DCAF1: variants seen among roughly 807,000 people sequenced by gnomAD.
The protein encoded by DCAF1 is DDB1 and CUL4 associated factor 1, also known as DDB1- and CUL4-associated factor 1.
Under a neutral mutation model 128.0 loss-of-function variants are expected in DCAF1, and 15 were observed. That is an observed-to-expected ratio of 0.12 (90% CI 0.08 to 0.18). DCAF1 has a LOEUF of 0.18. Ranked by LOEUF, DCAF1 falls within the 10% of genes least tolerant of loss-of-function variation. The pLI is 1.00. For missense variants in DCAF1, 988 were observed against 1,649.5 expected (o/e 0.60, Z 6.95); for synonymous variants, 610 against 603.0 (o/e 1.01, Z -0.17).
intron 5 of DCAF1, among the ~76,000 whole-genome samples, chr3:51,463,771 CCT>C (rs1160058091): frequency 1.3e-5 from 2 of 151,862 alleles, no homozygotes; most frequent in Admixed American, 6.6e-5. Flanking sequence ...ACGGTGAGAC[CCT>C]GTCTCCAAAA....
chr3:51,414,613 A>T lies in DCAF1; in HGVS notation c.3837+11T>A, dbSNP rs1256610187. 1.2e-6 allele frequency: 2 copies of T among 1,612,426 alleles called. No homozygotes were observed. The highest frequency in any genetic ancestry group is 1.7e-6 in the Non-Finnish European group (2 of 1,178,652). On this transcript the variant is annotated intron_variant, in intron 19 of 24. Transcript: ENST00000684031. ...AACAAATGGAAGGTAAGACATGAGT[A>T]TAAAGGATACAATCTCAGTATTAAT...
chr3:51,491,739 G>T (rs564775623), intron 2 of DCAF1, among the ~76,000 whole-genome samples: 5 of 151,944 alleles, frequency 3.3e-5, no homozygotes, highest in Admixed American at 2.6e-4. Context: ...AGCTACTCAG[G>T]GGGGCTGAGG....
chr3:51,453,254 T>C (rs1577195371), intron 6 of DCAF1, among the ~76,000 whole-genome samples: 1 of 152,314 alleles, frequency 6.6e-6, no homozygotes, highest in African/African-American at 2.4e-5. Flanking sequence ...ACAATTATTC[T>C]GCAATAAAAG....
intron 2 of DCAF1, among the ~76,000 whole-genome samples, chr3:51,493,635 T>C (rs1274889872): frequency 6.6e-6 from 1 of 152,056 alleles, no homozygotes; most frequent in African/African-American, 2.4e-5. Context: ...ATGCTACAGA[T>C]GTGGAAAAAC....
At position 51,423,592 on chromosome 3, in the gene DCAF1, C is replaced by T. The variant is rs1048617782; in HGVS notation, c.1848-1161G>A. On this transcript the variant is annotated intron_variant, in intron 13 of 24. Transcript: ENST00000684031. ...CAACAATTTGGGAGGCTGAGGCAGG[C>T]GGATGACCTGAGGTCAGGAATTCAA... 3.3e-4 allele frequency among the ~76,000 whole-genome samples: 50 copies of T among 151,096 alleles called. 1 individual carries two copies. Among genetic ancestry groups the T allele is most frequent in the Admixed American group, 1.4e-3 (22 of 15,196 alleles).
rs1559462966 is a variant in DCAF1, at chr3:51,398,625, C to A, written c.*144G>T. ...AGGACCCTCGGGTGCCAATGAGGCTCTCTAAGCCATAATCTTCTGAATGCA... is the reference window on the plus strand; with the variant it reads ...AGGACCCTCGGGTGCCAATGAGGCTATCTAAGCCATAATCTTCTGAATGCA... On this transcript the variant is annotated 3_prime_UTR_variant, in exon 25 of 25. Transcript: ENST00000684031. The A allele has an allele frequency of 8.7e-7, 1 of 1,144,210 alleles. No homozygotes were observed. The highest frequency in any genetic ancestry group is 1.2e-6 in the Non-Finnish European group (1 of 816,590). 70.9% of individuals were successfully genotyped at this position (1,144,210 alleles called of 1,614,324 possible). A position where few individuals can be genotyped will look rare whatever the true frequency, so the allele number is the denominator to read the frequency against.
At chr3:51,434,523 C>T (rs1700650153) in intron 9 of DCAF1, among the ~76,000 whole-genome samples, 1 of 152,202 alleles carries the variant, frequency 6.6e-6, no homozygotes, top group South Asian at 2.1e-4. Flanking sequence ...TTTGCACCAA[C>T]TTAATAGCTT....
intron 2 of DCAF1, among the ~76,000 whole-genome samples, chr3:51,489,900 T>C (rs1192585196): frequency 6.6e-6 from 1 of 151,996 alleles, no homozygotes; most frequent in Non-Finnish European, 1.5e-5. Flanking sequence ...ATTATCTTTA[T>C]TCCTAGATGA....
chr3:51,463,220 T>C lies in DCAF1; in HGVS notation c.269A>G (p.Asn90Ser). 1 of 1,564,382 alleles carries C rather than the reference T, an allele frequency of 6.4e-7. No individual in the cohort carries two copies. Among genetic ancestry groups the C allele is most frequent in the African/African-American group, 1.4e-5 (1 of 72,858 alleles). Reference protein sequence around the residue: ...KNDDFMNALVNAYVMTSREPP... With the variant: ...KNDDFMNALVSAYVMTSREPP... Reference sequence around the variant, plus strand: ...CTCTCGGCTTGTCATCACATATGCATTCACCAGCTGTAAAGAAAAAAAAGA... The same window carrying C: ...CTCTCGGCTTGTCATCACATATGCACTCACCAGCTGTAAAGAAAAAAAAGA... Residue 90 changes from asparagine (N) to serine (S), a missense_variant, in exon 6 of 25, where the codon AAT (asparagine) becomes AGT (serine). Transcript: ENST00000684031.
chr3:51,468,769 G>C (rs1180386594), intron 4 of DCAF1, among the ~76,000 whole-genome samples: 1 of 152,060 alleles, frequency 6.6e-6, no homozygotes, highest in Non-Finnish European at 1.5e-5. Flanking sequence ...GACAAATATT[G>C]CTTAATATTA....
chr3:51,489,785 C>CAAA (rs1402813573), intron 2 of DCAF1, among the ~76,000 whole-genome samples: 2 of 84,894 alleles, frequency 2.4e-5, no homozygotes. Context: ...GACTCTGTCT[C>CAAA]AAAAAAAAAA....
At chr3:51,492,991 C>CT (rs1707833279) in intron 2 of DCAF1, among the ~76,000 whole-genome samples, 1 of 151,062 alleles carries the variant, frequency 6.6e-6, no homozygotes, top group Non-Finnish European at 1.5e-5. Context: ...AAGACTCCCT[C>CT]TCAAAAAAAT....
chr3:51,409,440 C>T (rs1698199385), intron 23 of DCAF1, among the ~76,000 whole-genome samples: 1 of 152,136 alleles, frequency 6.6e-6, no homozygotes, highest in Non-Finnish European at 1.5e-5. Flanking sequence ...ATCACATGGA[C>T]CCAGGTGATG....
intron 8 of DCAF1, 90 bp downstream of exon 8, chr3:51,441,295 A>G (rs782540541): frequency 1.5e-5 from 21 of 1,433,426 alleles, no homozygotes; most frequent in Admixed American, 5.0e-5. Context: ...GAGTTAGAAT[A>G]TATCTTTGTA....
At chr3:51,473,324 A>G (rs977688054) in intron 3 of DCAF1, among the ~76,000 whole-genome samples, 2 of 151,122 alleles carry the variant, frequency 1.3e-5, no homozygotes, top group Admixed American at 1.3e-4. Context: ...CTCTATAATA[A>G]TGACAAGCCA....
At chr3:51,473,899 G>A (rs565772689) in intron 3 of DCAF1, among the ~76,000 whole-genome samples, 10 of 151,516 alleles carry the variant, frequency 6.6e-5, no homozygotes, top group African/African-American at 2.4e-4. Context: ...TGCCTCCCAC[G>A]TTCAGGCGAT....
upstream of DCAF1, among the ~76,000 whole-genome samples, chr3:51,503,391 C>T (rs537415796): frequency 1.6e-4 from 25 of 152,266 alleles, no homozygotes; most frequent in Admixed American, 1.3e-4. Flanking sequence ...CTCCTTCTCC[C>T]GCTCCCATCC....
In DCAF1 at chr3:51,427,503, C is replaced by T; in HGVS notation, c.1716G>A (p.Met572Ile). Residue 572 changes from methionine (M) to isoleucine (I), a missense_variant, in exon 13 of 25, where the codon ATG becomes ATA. By Grantham distance (10) the Met-to-Ile change is conservative. This residue lies in a region of DCAF1 where 185 missense variants were observed against 248.1 expected (regional missense o/e 0.75). Coordinates refer to ENST00000684031, the MANE Select transcript of DCAF1 (RefSeq NM_001387579.1). ...SYTHEQIVEM[M>I]EFLIEYGPAQ... ...CTGGGCCATATTCTATCAAAAATTC[C>T]ATCATTTCCACAATCTGTTCATGAG... 1.3e-6 allele frequency: 1 copy of T among 773,104 alleles called. No individual in the cohort carries two copies. The highest frequency in any genetic ancestry group is 1.4e-5 in the South Asian group (1 of 73,340). 47.9% of individuals were successfully genotyped at this position (773,104 alleles called of 1,614,324 possible).
intron 2 of DCAF1, among the ~76,000 whole-genome samples, chr3:51,495,687 G>GT (rs753534828): frequency 4.8e-4 from 73 of 152,220 alleles, no homozygotes; most frequent in Admixed American, 1.4e-3. Context: ...GAGCCCAGGA[G>GT]TTTGAGACCA....
Sources: gnomAD v4.1 joint callset for allele counts (sites outside exome capture counted in the v4.1 genomes callset) on GRCh38, gnomAD v4.1.1 for gene constraint, gnomAD v4.1.1 regional missense constraint, MANE v1.5 for transcripts, NCBI Gene and HGNC (gene_info 2026-07-23, HGNC 2026-07-21) for gene names.